Variants in WDR76 observed in about 807,000 individuals in gnomAD.
The protein encoded by WDR76 is WD repeat-containing protein 76.
Under a neutral mutation model 70.2 loss-of-function variants are expected in WDR76, and 52 were observed. The ratio of observed to expected loss-of-function variants is 0.74; its 90% CI spans 0.59 to 0.93. The LOEUF (loss-of-function observed/expected upper bound fraction) is 0.93, where lower values mean the gene tolerates loss of function less well. Among genes scored for constraint, WDR76 ranks in the 40% least tolerant of loss-of-function variants. The pLI, the probability that WDR76 is intolerant of heterozygous loss-of-function variation, is 0.00. For missense variants in WDR76, 756 were observed against 760.2 expected (o/e 0.99, Z 0.07); for synonymous variants, 292 against 271.1 (o/e 1.08, Z -0.76).
intron 8 of WDR76, among the ~76,000 whole-genome samples, chr15:43,847,427 ATT>A (rs920579891): frequency 1.4e-5 from 2 of 140,348 alleles, no homozygotes; most frequent in Non-Finnish European, 3.1e-5. Context: ...CACCTGGCTA[ATT>A]TTTTTTTTTT....
chr15:43,833,317 T>C (rs2087613720), intron 2 of WDR76, among the ~76,000 whole-genome samples: 3 of 150,680 alleles, frequency 2.0e-5, no homozygotes, highest in Admixed American at 6.6e-5. Context: ...TTTCTTTTCT[T>C]TTCTTTTTTT....
intron 8 of WDR76, 49 bp from the exon 9 acceptor site, chr15:43,851,038 T>G: frequency 6.2e-7 from 1 of 1,602,158 alleles, no homozygotes; most frequent in Non-Finnish European, 8.5e-7. Context: ...AAAATCACTA[T>G]TTTTCACTAG....
rs542981699 is a variant in WDR76, at chr15:43,827,066, G to T, written c.34G>T (p.Asp12Tyr). The part of the protein sequence containing the change: ...SRSGAAAEKA[D>Y]SRQRPQMKVN... Reference sequence around the variant, plus strand: ...GTCGGGCGCGGCGGCTGAGAAGGCGGACTCCAGACAGCGACCCCAGATGAA... The same window carrying T: ...GTCGGGCGCGGCGGCTGAGAAGGCGTACTCCAGACAGCGACCCCAGATGAA... The change falls in exon 1 of 13, where the codon GAC becomes TAC. Residue 12 changes from aspartate (D) to tyrosine (Y), a missense_variant. By Grantham distance (160) the Asp-to-Tyr change is radical. Transcript: ENST00000263795. The T allele has an allele frequency of 6.2e-7, 1 of 1,614,198 alleles. No individual in the cohort carries two copies. The highest frequency in any genetic ancestry group is 1.1e-5 in the South Asian group (1 of 91,086).
chr15:43,864,105 G>A (rs1306497857), intron 12 of WDR76: 1 of 152,098 alleles, frequency 6.6e-6, no homozygotes, highest in African/African-American at 2.4e-5. Flanking sequence ...GTTCATCCAC[G>A]ACAGGATTTT....
chr15:43,838,340 C>G (rs2087683474), intron 4 of WDR76, among the ~76,000 whole-genome samples: 1 of 152,118 alleles, frequency 6.6e-6, no homozygotes. Context: ...TGCTCATGAC[C>G]ATGCTCTGCT....
intron 8 of WDR76, among the ~76,000 whole-genome samples, chr15:43,849,232 T>C (rs1014732410): frequency 2.7e-4 from 41 of 150,496 alleles, no homozygotes; most frequent in African/African-American, 7.1e-4. Context: ...CTCAAATCAA[T>C]ATAAATTATC....
At chr15:43,839,051 T>C (rs1009838657) in intron 4 of WDR76, among the ~76,000 whole-genome samples, 15 of 152,178 alleles carry the variant, frequency 9.9e-5, no homozygotes, top group Admixed American at 2.6e-4. Flanking sequence ...TTAAAATGAA[T>C]TACTTTTTTA....
At position 43,867,219 on chromosome 15, in the gene WDR76, A is replaced by C. The variant is rs2088085148; in HGVS notation, c.*827A>C. ...TGAAATGCCAAGATAATTGCTGAGC[A>C]GCTTTGGTTACCCAGGGCGGGGTCT... On this transcript the variant is annotated 3_prime_UTR_variant, in exon 13 of 13. Transcript: ENST00000263795. 1 of 152,138 alleles carries C rather than the reference A, an allele frequency of 6.6e-6. No homozygotes were observed. The allele number at this position is 152,138 out of a possible 1,614,324, so 9.4% of individuals were successfully genotyped here.
At chr15:43,839,831 A>C in intron 5 of WDR76, 103 bp downstream of exon 5, 1 of 1,285,040 alleles carries the variant, frequency 7.8e-7, no homozygotes, top group Non-Finnish European at 1.0e-6. Flanking sequence ...TTAATTTTAT[A>C]TTTCATTAAT....
rs1187254875 is a variant in WDR76, at chr15:43,836,221, A to C, written c.608+5A>C. 1.9e-6 allele frequency: 3 copies of C among 1,608,588 alleles called. No homozygotes were observed. In the African/African-American group the frequency reaches 4.0e-5, roughly 22 times the overall value. ...ACAGCCTCCTAAATCCAAAAGGTAA[A>C]ATATCTAGTTTGCAATGCCTGAACC... is the stretch of plus-strand genomic sequence containing the variant. On this transcript the variant is annotated splice_donor_5th_base_variant and intron_variant, in intron 4 of 12. Transcript: ENST00000263795.
chr15:43,858,747 A>T lies in WDR76; in HGVS notation c.1486A>T (p.Lys496Ter). The change falls in exon 11 of 13, where the codon AAG becomes TAG. Residue 496 changes from lysine (K) to a stop codon, truncating the protein, a stop_gained. Transcript: ENST00000263795. LOFTEE classifies it high-confidence loss of function. ...TTTGATTTCTTTGACTGAACATACA[A>T]AGAGCATTGCTTCCGCCTATTTTTC... is the stretch of plus-strand genomic sequence containing the variant. ...QPLISLTEHT[K>*]SIASAYFSPL... The T allele has an allele frequency of 6.2e-7, 1 of 1,614,250 alleles. No individual in the cohort carries two copies. The highest frequency in any genetic ancestry group is 8.5e-7 in the Non-Finnish European group (1 of 1,180,048).
At chr15:43,835,022 T>G (rs575070179) in intron 2 of WDR76, 39 bp from the exon 3 acceptor site, 3 of 1,555,244 alleles carry the variant, frequency 1.9e-6, no homozygotes, top group African/African-American at 1.4e-5. Context: ...TCCTGTAGAT[T>G]ATATAAAGTA....
chr15:43,853,460 G>A (rs2087888635), intron 9 of WDR76, among the ~76,000 whole-genome samples: 2 of 151,992 alleles, frequency 1.3e-5, no homozygotes, highest in Admixed American at 1.3e-4. Flanking sequence ...CAAAGTGCTG[G>A]TATTACAGGC....
chr15:43,828,471 C>A, intron 2 of WDR76, 105 bp downstream of exon 2: 1 of 1,013,642 alleles, frequency 9.9e-7, no homozygotes, highest in Non-Finnish European at 1.4e-6. Flanking sequence ...CAAGTTATTT[C>A]ATCATCTAAT....
At chr15:43,847,237 T>G (rs1364160936) in intron 8 of WDR76, among the ~76,000 whole-genome samples, 1 of 152,086 alleles carries the variant, frequency 6.6e-6, no homozygotes, top group Non-Finnish European at 1.5e-5. Flanking sequence ...AAAATCCTAT[T>G]TAAAAAATGT....
chr15:43,846,079 G>A (rs2087784938), intron 8 of WDR76, among the ~76,000 whole-genome samples: 1 of 149,882 alleles, frequency 6.7e-6, no homozygotes, highest in Admixed American at 6.7e-5. Flanking sequence ...GCCAAGAGAT[G>A]AGTTTCAAGG....
At chr15:43,847,588 T>A (rs1432365384) in intron 8 of WDR76, among the ~76,000 whole-genome samples, 4 of 147,642 alleles carry the variant, frequency 2.7e-5, no homozygotes, top group Non-Finnish European at 6.1e-5. Context: ...ACCTGGCTAA[T>A]TTTTTTGTTT....
intron 2 of WDR76, among the ~76,000 whole-genome samples, chr15:43,833,439 C>T (rs546803043): frequency 8.6e-5 from 13 of 151,708 alleles, no homozygotes; most frequent in Non-Finnish European, 1.3e-4. Flanking sequence ...CTGCCTCAGC[C>T]TCCTGTGTAG....
chr15:43,832,749 T>TTG (rs1567182146), intron 2 of WDR76, among the ~76,000 whole-genome samples: 2 of 128,200 alleles, frequency 1.6e-5, no homozygotes, highest in Non-Finnish European at 3.3e-5. Flanking sequence ...CTTTGTTTTT[T>TTG]TTTTTTTTTT....
Sources: gnomAD v4.1 joint callset for allele counts (sites outside exome capture counted in the v4.1 genomes callset) on GRCh38, gnomAD v4.1.1 for gene constraint, MANE v1.5 for transcripts, NCBI Gene and HGNC (gene_info 2026-07-23, HGNC 2026-07-21) for gene names.